ADAM23: variants seen among roughly 807,000 people sequenced by gnomAD.
ADAM23 encodes the protein disintegrin and metalloproteinase domain-containing protein 23.
A neutral mutation model predicts 120.1 loss-of-function variants in ADAM23; 33 were observed. That is an observed-to-expected ratio of 0.27 (90% CI 0.21 to 0.37). The LOEUF is 0.37. Ranked by LOEUF, ADAM23 falls within the 10% of genes least tolerant of loss-of-function variation. The pLI, the probability that ADAM23 is intolerant of heterozygous loss-of-function variation, is 1.00. For missense variants in ADAM23, 862 were observed against 1,058.2 expected, an observed-to-expected ratio of 0.81 and a Z score of 2.57; for synonymous variants, 367 against 375.2, an observed-to-expected ratio of 0.98 and a Z score of 0.25.
Position 206,457,372 on chromosome 2 carries a change from A to C in ADAM23, c.432+11848A>C, listed in dbSNP as rs1695321216. Among the ~76,000 whole-genome samples the C allele has an allele frequency of 2.0e-5, 3 of 152,220 alleles. No individual in the cohort carries two copies. The South Asian group carries it at 6.2e-4, about 32-fold the overall frequency. ...GTCTTAAGAATTATTAGCGTGACCAAAACGACCAGGACTGTGGTTTATAGA... is the reference window on the plus strand; with the variant it reads ...GTCTTAAGAATTATTAGCGTGACCACAACGACCAGGACTGTGGTTTATAGA... On this transcript the variant is annotated intron_variant, in intron 2 of 25. Transcript: ENST00000264377.
intron 18 of ADAM23, among the ~76,000 whole-genome samples, chr2:206,576,388 TTAACC>T (rs1396322538): frequency 6.6e-5 from 10 of 152,230 alleles, no homozygotes. Context: ...AACTCTTTGT[TTAACC>T]TAATATTCTA....
intron 25 of ADAM23, among the ~76,000 whole-genome samples, chr2:206,616,371 G>GT (rs773999074): frequency 4.6e-5 from 7 of 152,178 alleles, no homozygotes; most frequent in Non-Finnish European, 1.0e-4. Context: ...GGCTGCAATG[G>GT]TTACCTGCTA....
intron 3 of ADAM23, among the ~76,000 whole-genome samples, chr2:206,514,204 G>A (rs1471539803): frequency 6.6e-6 from 1 of 152,260 alleles, no homozygotes; most frequent in East Asian, 1.9e-4. Context: ...GCCATAGATC[G>A]TGATTACTCT....
At chr2:206,457,019 A>G (rs1695315060) in intron 2 of ADAM23, among the ~76,000 whole-genome samples, 1 of 152,200 alleles carries the variant, frequency 6.6e-6, no homozygotes, top group Admixed American at 6.5e-5. Flanking sequence ...TAATAGCTGT[A>G]TTGCAGATGG....
At chr2:206,503,331 G>A (rs1696429947) in intron 3 of ADAM23, among the ~76,000 whole-genome samples, 2 of 152,076 alleles carry the variant, frequency 1.3e-5, no homozygotes, top group Non-Finnish European at 2.9e-5. Flanking sequence ...TAGACAAGAA[G>A]GTACTTGTCT....
At chr2:206,608,116 T>A (rs1698763576) in intron 24 of ADAM23, 1 of 319,654 alleles carries the variant, frequency 3.1e-6, no homozygotes, top group Admixed American at 4.3e-5. Flanking sequence ...AAACAGAAGT[T>A]AGCAAACTTC....
At chr2:206,497,905 T>G (rs1696292463) in intron 3 of ADAM23, among the ~76,000 whole-genome samples, 1 of 152,154 alleles carries the variant, frequency 6.6e-6, no homozygotes, top group African/African-American at 2.4e-5. Flanking sequence ...CATTCACAAT[T>G]GCTTCAAAGA....
At chr2:206,476,055 G>A (rs1238064068) in intron 2 of ADAM23, among the ~76,000 whole-genome samples, 1 of 152,190 alleles carries the variant, frequency 6.6e-6, no homozygotes, top group Non-Finnish European at 1.5e-5. Context: ...AGAGAAGACA[G>A]GCATCTGCTT....
intron 24 of ADAM23, among the ~76,000 whole-genome samples, chr2:206,602,854 A>G (rs1169344216): frequency 6.6e-6 from 1 of 152,210 alleles, no homozygotes; most frequent in Non-Finnish European, 1.5e-5. Flanking sequence ...AGGGACCAAG[A>G]CTGAAAATAA....
intron 18 of ADAM23, among the ~76,000 whole-genome samples, chr2:206,584,555 C>T (rs1698283936): frequency 6.6e-6 from 1 of 152,170 alleles, no homozygotes; most frequent in Non-Finnish European, 1.5e-5. Flanking sequence ...CCATAATCCT[C>T]CTAGGTAGAG....
chr2:206,507,170 A>G (rs1470353194), intron 3 of ADAM23, among the ~76,000 whole-genome samples: 1 of 152,178 alleles, frequency 6.6e-6, no homozygotes, highest in Non-Finnish European at 1.5e-5. Flanking sequence ...ATGACATCCC[A>G]TATGATAAGT....
At chr2:206,573,537 G>T (rs960991043) in intron 18 of ADAM23, among the ~76,000 whole-genome samples, 1 of 151,946 alleles carries the variant, frequency 6.6e-6, no homozygotes, top group African/African-American at 2.4e-5. Flanking sequence ...TGGTTGTTTG[G>T]CATCACCATC....
chr2:206,583,487 AGGTACACCAATTATTCTTTG>A (rs1698261788), intron 18 of ADAM23, among the ~76,000 whole-genome samples: 1 of 147,516 alleles, frequency 6.8e-6, no homozygotes, highest in Non-Finnish European at 1.5e-5. Flanking sequence ...CTTCTTCCTC[AGGTACACCAATTATTCTTTG>A]GTTTGATTGT....
In ADAM23 at chr2:206,618,235, C is replaced by A. The variant is rs1233903070; in HGVS notation, c.*608C>A. On this transcript the variant is annotated 3_prime_UTR_variant, in exon 26 of 26. Coordinates refer to ENST00000264377, the MANE Select transcript of ADAM23 (RefSeq NM_003812.4). ...AACATGTCCCCACACCCCATCCTCT[C>A]GGAGCCCCACTTCTTACCCCCCACC... The A allele has an allele frequency of 6.6e-6, 1 of 152,082 alleles. No homozygotes were observed. Among genetic ancestry groups the A allele is most frequent in the Non-Finnish European group, 1.5e-5 (1 of 68,084 alleles). 9.4% of individuals were successfully genotyped at this position (152,082 alleles called of 1,614,324 possible).
chr2:206,558,345 C>A (rs970970470), intron 10 of ADAM23, among the ~76,000 whole-genome samples: 37 of 152,142 alleles, frequency 2.4e-4, no homozygotes, highest in Middle Eastern at 3.4e-3. Flanking sequence ...GCGAAAAAAA[C>A]CCCACCATTT....
chr2:206,495,760 CAT>C (rs1335187359), intron 3 of ADAM23, among the ~76,000 whole-genome samples: 4 of 152,262 alleles, frequency 2.6e-5, no homozygotes, highest in Admixed American at 6.5e-5. Context: ...AAACCCATCT[CAT>C]GTGCAGAGAC....
At chr2:206,466,038 A>G (rs1695535361) in intron 2 of ADAM23, among the ~76,000 whole-genome samples, 1 of 152,208 alleles carries the variant, frequency 6.6e-6, no homozygotes, top group African/African-American at 2.4e-5. Context: ...GCCTTTAAAA[A>G]TTCCTAAAAT....
intron 2 of ADAM23, among the ~76,000 whole-genome samples, chr2:206,448,036 A>G (rs1187542372): frequency 6.6e-6 from 1 of 152,202 alleles, no homozygotes; most frequent in African/African-American, 2.4e-5. Context: ...TGTGCAAACC[A>G]CCTCTTTGCA....
chr2:206,467,140 A>G (rs1559220023), intron 2 of ADAM23, among the ~76,000 whole-genome samples: 1 of 152,210 alleles, frequency 6.6e-6, no homozygotes, highest in African/African-American at 2.4e-5. Context: ...GATCCAAATC[A>G]TAAAATTCCA....
Sources: allele counts gnomAD v4.1 joint callset (sites outside exome capture counted in the v4.1 genomes callset), GRCh38; gene constraint gnomAD v4.1.1; transcripts MANE v1.5; gene names NCBI Gene and HGNC (gene_info 2026-07-23, HGNC 2026-07-21).